SIAE: variants seen among roughly 807,000 people sequenced by gnomAD.
The protein encoded by SIAE is sialic acid acetylesterase.
Under a neutral mutation model 52.6 loss-of-function variants are expected in SIAE, and 39 were observed. That is an observed-to-expected ratio of 0.74 (90% CI 0.57 to 0.97). The LOEUF is 0.97. Among genes scored for constraint, SIAE ranks in the 50% least tolerant of loss-of-function variants. SIAE has a pLI of 0.00. For synonymous variants in SIAE, 233 were observed against 241.4 expected (o/e 0.97, Z 0.32); for missense variants, 592 against 662.1 (o/e 0.89, Z 1.16).
chr11:124,644,237 A>G (rs990262091), intron 7 of SIAE, among the ~76,000 whole-genome samples: 2 of 151,904 alleles, frequency 1.3e-5, no homozygotes, highest in Admixed American at 1.3e-4. Context: ...GGAATAAAAA[A>G]TCTATTAAGT....
chr11:124,645,659 A>G lies in SIAE; in HGVS notation c.966+1706T>C, dbSNP rs1376715844. ...ACAGCATATAATAAGCATTCAACAC[A>G]TACTTTTGGTTTGAGTTGGCTAAAG... On this transcript the variant is annotated intron_variant, in intron 7 of 9. Transcript: ENST00000263593. This position sits in a 1 kb window ranked among gnomAD's most constrained non-coding sequence, Gnocchi z 4.7. 1.3e-5 allele frequency among the ~76,000 whole-genome samples: 2 copies of G among 152,154 alleles called. No individual in the cohort carries two copies. Among genetic ancestry groups the G allele is most frequent in the African/African-American group, 4.8e-5 (2 of 41,440 alleles).
intron 3 of SIAE, chr11:124,659,615 C>T (rs1943153367): frequency 8.8e-6 from 1 of 113,376 alleles, no homozygotes; most frequent in African/African-American, 3.6e-5. Flanking sequence ...GCCTGGGTGA[C>T]AGAGAAGGAC....
At chr11:124,651,215 A>G (rs949374087) in intron 4 of SIAE, among the ~76,000 whole-genome samples, 1 of 152,162 alleles carries the variant, frequency 6.6e-6, no homozygotes, top group Non-Finnish European at 1.5e-5. Context: ...ATATAGAGAC[A>G]CATGGAACCT....
Position 124,633,999 on chromosome 11 carries a change from A to ATAC in SIAE, c.*2949_*2951dup, listed in dbSNP as rs1942666198. On this transcript the variant is annotated 3_prime_UTR_variant, in exon 10 of 10. Transcript: ENST00000263593. ...GTGTGTACGTATACCACATATACAT[A>ATAC]TACTTGTATGAAGATATGTGTAAAA... 1 of 152,264 alleles carries ATAC rather than the reference A, an allele frequency of 6.6e-6. No homozygotes were observed. Among genetic ancestry groups the ATAC allele is most frequent in the Non-Finnish European group, 1.5e-5 (1 of 68,044 alleles). The allele number at this position is 152,264 out of a possible 1,614,324, so 9.4% of individuals were successfully genotyped here. A position where few individuals can be genotyped will look rare whatever the true frequency, so the allele number is the denominator to read the frequency against.
intron 3 of SIAE, among the ~76,000 whole-genome samples, chr11:124,655,398 A>C (rs557746434): frequency 1.3e-5 from 2 of 152,248 alleles, no homozygotes; most frequent in Admixed American, 1.3e-4. Context: ...GATGGTCTCA[A>C]TCTCCAGACC....
chr11:124,660,606 T>C, intron 3 of SIAE, 22 bp downstream of exon 3: 1 of 1,613,386 alleles, frequency 6.2e-7, no homozygotes. Flanking sequence ...CTGTGTATTA[T>C]TGCTGAGACT....
upstream of SIAE, chr11:124,673,846 G>A (rs1276822021): frequency 1.3e-5 from 11 of 820,224 alleles, no homozygotes; most frequent in Non-Finnish European, 2.0e-5. Flanking sequence ...GGCTGTACTC[G>A]CCCCTTCTCG....
At chr11:124,668,058 G>A (rs191626196) in intron 2 of SIAE, among the ~76,000 whole-genome samples, 69 of 152,194 alleles carry the variant, frequency 4.5e-4, no homozygotes, top group African/African-American at 1.1e-3. Context: ...AAATCTGTCC[G>A]TTTAGAATAA....
At position 124,635,225 on chromosome 11, in the gene SIAE, T is replaced by C. The variant is rs1245336253; in HGVS notation, c.*1726A>G. 1 of 152,248 alleles carries C rather than the reference T, an allele frequency of 6.6e-6. No individual in the cohort carries two copies. The highest frequency in any genetic ancestry group is 2.4e-5 in the African/African-American group (1 of 41,432). 9.4% of individuals were successfully genotyped at this position (152,248 alleles called of 1,614,324 possible). The stretch of plus-strand genomic sequence containing the variant: ...TGACTTTTTCTCAGGCATCAATCTG[T>C]TACAAGGTTCATGGTTTCTATGGGG... On this transcript the variant is annotated 3_prime_UTR_variant, in exon 10 of 10. Coordinates refer to ENST00000263593, the MANE Select transcript of SIAE (RefSeq NM_170601.5).
upstream of SIAE, chr11:124,673,839 T>C (rs552244245): frequency 1.1e-5 from 10 of 926,620 alleles, no homozygotes; most frequent in East Asian, 8.5e-5. Context: ...AGGACTGGGC[T>C]GTACTCGCCC....
chr11:124,640,654 C>G (rs944519407), intron 7 of SIAE, among the ~76,000 whole-genome samples: 1 of 152,202 alleles, frequency 6.6e-6, no homozygotes, highest in Non-Finnish European at 1.5e-5. Context: ...TCTTCACTCC[C>G]TCCTATATCC....
chr11:124,635,610 T>G lies in SIAE; in HGVS notation c.*1341A>C, dbSNP rs1334336123. On this transcript the variant is annotated 3_prime_UTR_variant, in exon 10 of 10. Coordinates refer to ENST00000263593, the MANE Select transcript of SIAE (RefSeq NM_170601.5). ...ATTTACATATGATTTCATTAATATA[T>G]TCACTATCTAAACCATATTTTTTAC... 1.3e-5 allele frequency: 2 copies of G among 152,244 alleles called. No homozygotes were observed. Among genetic ancestry groups the G allele is most frequent in the African/African-American group, 4.8e-5 (2 of 41,470 alleles). The allele number at this position is 152,244 out of a possible 1,614,324, so 9.4% of individuals were successfully genotyped here.
At chr11:124,638,482 C>T (rs1942787595) in intron 9 of SIAE, 60 bp downstream of exon 9, 13 of 1,555,512 alleles carry the variant, frequency 8.4e-6, no homozygotes, top group Middle Eastern at 1.7e-4. Flanking sequence ...GCCTCAAGTG[C>T]GGAGGAAATC....
In SIAE at chr11:124,638,613, G is replaced by A; in HGVS notation, c.1249C>T (p.His417Tyr). The change falls in exon 9 of 10, where the codon CAC becomes TAC. Residue 417 changes from histidine to tyrosine, a missense_variant. Physicochemically the swap from His to Tyr is moderately conservative, Grantham distance 83. Transcript: ENST00000263593. Reference sequence around the variant, plus strand: ...TATGTGAGATTGAGCAGCCCCTTGTGAGCCAAGAGTTCTATCTTCTCAGGC... The same window carrying A: ...TATGTGAGATTGAGCAGCCCCTTGTAAGCCAAGAGTTCTATCTTCTCAGGC... ...PLPEKIELLA[H>Y]KGLLNLTYYQ... 6.2e-7 allele frequency: 1 copy of A among 1,614,124 alleles called. No homozygotes were observed. The highest frequency in any genetic ancestry group is 2.2e-5 in the East Asian group (1 of 44,884).
intron 7 of SIAE, among the ~76,000 whole-genome samples, chr11:124,644,353 GAAAAAA>G (rs370589585): frequency 1.8e-4 from 18 of 102,174 alleles, no homozygotes; most frequent in Admixed American, 4.6e-4. Flanking sequence ...TCTGTGGTGA[GAAAAAA>G]AAAAAAAAAA....
intron 5 of SIAE, among the ~76,000 whole-genome samples, chr11:124,649,075 C>T (rs1209510016): frequency 6.6e-6 from 1 of 152,164 alleles, no homozygotes; most frequent in East Asian, 1.9e-4. Context: ...AGCAGGTGTT[C>T]ATAATCAGTA....
At chr11:124,644,614 G>A (rs529934625) in intron 7 of SIAE, among the ~76,000 whole-genome samples, 1 of 152,288 alleles carries the variant, frequency 6.6e-6, no homozygotes, top group South Asian at 2.1e-4. Flanking sequence ...TAGAAATACT[G>A]CGGCTAATAA....
intron 3 of SIAE, among the ~76,000 whole-genome samples, chr11:124,656,854 A>G (rs1279889937): frequency 1.3e-5 from 2 of 152,186 alleles, no homozygotes; most frequent in Admixed American, 6.5e-5. Flanking sequence ...GGGCTGCCAC[A>G]GCAGTGAGAG....
At chr11:124,666,088 T>G (rs915844182) in intron 2 of SIAE, among the ~76,000 whole-genome samples, 2 of 152,190 alleles carry the variant, frequency 1.3e-5, no homozygotes, top group Non-Finnish European at 2.9e-5. Flanking sequence ...TTTGACAACA[T>G]CGTTTGAACC....
Sources: gnomAD v4.1 joint callset for allele counts (sites outside exome capture counted in the v4.1 genomes callset) on GRCh38, gnomAD v4.1.1 for gene constraint, Gnocchi (gnomAD v3.1) non-coding constraint, MANE v1.5 for transcripts, NCBI Gene and HGNC (gene_info 2026-07-23, HGNC 2026-07-21) for gene names.